Variants in PIK3C2G observed in about 807,000 individuals in gnomAD.
PIK3C2G encodes the protein phosphatidylinositol-4-phosphate 3-kinase catalytic subunit type 2 gamma.
In PIK3C2G, 168 loss-of-function variants were observed where a neutral mutation model predicts 181.1. That is an observed-to-expected ratio of 0.93 (90% confidence interval 0.82 to 1.05). The LOEUF (loss-of-function observed/expected upper bound fraction) is 1.05, where lower values mean the gene tolerates loss of function less well. Among genes scored for constraint, PIK3C2G ranks in the 50% least tolerant of loss-of-function variants. The pLI is 0.00. For synonymous variants in PIK3C2G, 573 were observed against 592.2 expected (o/e 0.97, Z 0.47); for missense variants, 1,869 against 1,732.8 (o/e 1.08, Z -1.40).
chr12:18,701,486 A>G, the PIK3C2G span: 111 of 1,614,082 alleles, frequency 6.9e-5, no homozygotes, highest in Admixed American at 5.7e-4. Flanking sequence ...AGATTTTCAC[A>G]AAACACCACC....
At chr12:18,286,233 C>A (rs1949439288) in intron 2 of PIK3C2G, among the ~76,000 whole-genome samples, 1 of 151,938 alleles carries the variant, frequency 6.6e-6, no homozygotes, top group Non-Finnish European at 1.5e-5. Context: ...TTCATATATT[C>A]CCAAGCTATT....
chr12:18,614,872 A>G (rs1177743838), intron 31 of PIK3C2G, among the ~76,000 whole-genome samples: 4 of 152,082 alleles, frequency 2.6e-5, no homozygotes, highest in Non-Finnish European at 4.4e-5. Context: ...TACCACTGAA[A>G]CCATCTTTCA....
At chr12:18,507,605 T>C (rs765212011) in intron 24 of PIK3C2G, among the ~76,000 whole-genome samples, 39 of 152,164 alleles carry the variant, frequency 2.6e-4, no homozygotes, top group Non-Finnish European at 4.6e-4. Flanking sequence ...AATTTATTCA[T>C]GTAACAGTTT....
chr12:18,352,421 T>A (rs573315314), intron 11 of PIK3C2G, among the ~76,000 whole-genome samples: 4 of 152,126 alleles, frequency 2.6e-5, no homozygotes, highest in Non-Finnish European at 4.4e-5. Context: ...GGGGAGGACA[T>A]ACAGGTGAGT....
chr12:18,609,194 T>C (rs1042876895), intron 30 of PIK3C2G, among the ~76,000 whole-genome samples: 1 of 152,108 alleles, frequency 6.6e-6, no homozygotes, highest in African/African-American at 2.4e-5. Flanking sequence ...ACTTTTAATC[T>C]CTATGACCTC....
At chr12:18,493,092 C>T (rs977322685) in intron 20 of PIK3C2G, 10 of 152,264 alleles carry the variant, frequency 6.6e-5, no homozygotes, top group African/African-American at 2.2e-4. Flanking sequence ...AGAAACCTTA[C>T]AGTTGAAATG....
intron 24 of PIK3C2G, among the ~76,000 whole-genome samples, chr12:18,510,273 A>AT (rs1440907928): frequency 2.0e-5 from 3 of 152,184 alleles, no homozygotes; most frequent in African/African-American, 4.8e-5. Flanking sequence ...ACCTATCTTC[A>AT]TTTTTTAATT....
At chr12:18,273,435 A>G (rs1182300534) in intron 1 of PIK3C2G, among the ~76,000 whole-genome samples, 1 of 152,156 alleles carries the variant, frequency 6.6e-6, no homozygotes, top group Non-Finnish European at 1.5e-5. Context: ...CTTTTGGCTT[A>G]GGATTGACTT....
At chr12:18,330,801 A>G (rs1937872814) in intron 8 of PIK3C2G, among the ~76,000 whole-genome samples, 1 of 152,144 alleles carries the variant, frequency 6.6e-6, no homozygotes, top group Admixed American at 6.6e-5. Context: ...GGTGTAGGAC[A>G]TATGTATTGA....
At chr12:18,532,817 A>C in intron 24 of PIK3C2G, among the ~76,000 whole-genome samples, 1 of 151,148 alleles carries the variant, frequency 6.6e-6, no homozygotes, top group East Asian at 1.9e-4. Context: ...GTAGGGGAGA[A>C]GTGGTGTCAC....
chr12:18,672,806 G>A, the PIK3C2G span, among the ~76,000 whole-genome samples: 2 of 152,120 alleles, frequency 1.3e-5, no homozygotes, highest in Non-Finnish European at 2.9e-5. Flanking sequence ...CCTAACAGGA[G>A]CAAGAGGGCA....
At chr12:18,484,204 T>C (rs948595720) in intron 18 of PIK3C2G, among the ~76,000 whole-genome samples, 1 of 152,108 alleles carries the variant, frequency 6.6e-6, no homozygotes, top group Non-Finnish European at 1.5e-5. Flanking sequence ...TCTAGAGGTA[T>C]AATCTTCTAC....
chr12:18,362,705 A>C (rs1941348684), intron 11 of PIK3C2G, 59 bp from the exon 12 acceptor site: 2 of 1,288,116 alleles, frequency 1.6e-6, no homozygotes, highest in Non-Finnish European at 2.1e-6. Flanking sequence ...ATTGACCCAT[A>C]TAGAAAGCTA....
chr12:18,252,005 A>G (rs928716024), intron 1 of PIK3C2G, among the ~76,000 whole-genome samples: 3 of 152,148 alleles, frequency 2.0e-5, no homozygotes, highest in Non-Finnish European at 2.9e-5. Flanking sequence ...AGTTTTTTCC[A>G]GAAAAGACAT....
intron 18 of PIK3C2G, among the ~76,000 whole-genome samples, chr12:18,455,146 C>A (rs1947555456): frequency 6.6e-6 from 1 of 152,178 alleles, no homozygotes; most frequent in African/African-American, 2.4e-5. Context: ...ACCAGCAAGA[C>A]CAAAGTCAGA....
chr12:18,339,328 T>C (rs1056114484), intron 9 of PIK3C2G, among the ~76,000 whole-genome samples: 22 of 152,290 alleles, frequency 1.4e-4, no homozygotes, highest in African/African-American at 5.1e-4. Flanking sequence ...ATTACCTCAC[T>C]GAATTTAATT....
intron 24 of PIK3C2G, among the ~76,000 whole-genome samples, chr12:18,512,116 G>A (rs1479020801): frequency 6.6e-6 from 1 of 151,902 alleles, no homozygotes; most frequent in African/African-American, 2.4e-5. Flanking sequence ...AAAACAAGTT[G>A]ACCATAAATG....
intron 5 of PIK3C2G, among the ~76,000 whole-genome samples, chr12:18,300,411 C>A (rs1299409752): frequency 6.6e-6 from 1 of 151,934 alleles, no homozygotes; most frequent in Non-Finnish European, 1.5e-5. Flanking sequence ...TCACTTAAGT[C>A]TATTTTATCT....
intron 29 of PIK3C2G, among the ~76,000 whole-genome samples, chr12:18,581,166 G>T (rs576604458): frequency 5.3e-5 from 8 of 152,282 alleles, no homozygotes; most frequent in Admixed American, 4.6e-4. Flanking sequence ...GGCAAACAAA[G>T]TATCTGAACT....
Sources: allele counts gnomAD v4.1 joint callset (sites outside exome capture counted in the v4.1 genomes callset), GRCh38; gene constraint gnomAD v4.1.1; transcripts MANE v1.5; gene names NCBI Gene and HGNC (gene_info 2026-07-23, HGNC 2026-07-21).